Variants in ACOT7 observed in about 807,000 individuals in gnomAD.
The protein encoded by ACOT7 is acyl-CoA thioesterase 7, also known as cytosolic acyl coenzyme A thioester hydrolase.
Under a neutral mutation model 40.2 loss-of-function variants are expected in ACOT7, and 12 were observed. The observed-to-expected ratio is 0.30, with a 90% CI of 0.19 to 0.48. The LOEUF (loss-of-function observed/expected upper bound fraction) is 0.48. Among genes scored for constraint, ACOT7 ranks in the 20% least tolerant of loss-of-function variants. ACOT7 has a pLI of 0.99. For synonymous variants in ACOT7, 228 were observed against 219.5 expected, an observed-to-expected ratio of 1.04 and a Z score of -0.34; for missense variants, 395 against 530.8, an observed-to-expected ratio of 0.74 and a Z score of 2.51.
At chr1:6,388,536 C>T (rs1321704174) in intron 1 of ACOT7, among the ~76,000 whole-genome samples, 7 of 148,264 alleles carry the variant, frequency 4.7e-5, no homozygotes, top group Non-Finnish European at 8.9e-5. Flanking sequence ...GTCAGGAGTT[C>T]GAGACCAGCC....
intron 1 of ACOT7, among the ~76,000 whole-genome samples, chr1:6,371,105 G>T (rs1386985961): frequency 2.0e-5 from 3 of 152,018 alleles, no homozygotes; most frequent in African/African-American, 7.2e-5. Context: ...CACCGCACCC[G>T]GCCTGATCAG....
In ACOT7 at chr1:6,318,535, C is replaced by T; in HGVS notation, c.669G>A (p.Leu223=). ...GCAGGGTGCAGTCTGAAGGCCCCAC[C>T]AGGTGGATCAAGCTGGACTGGCTGT... ...VSYSQSSLIH[L]VGPSDCTLHG... The change falls in exon 6 of 9, where the codon CTG becomes CTA. Residue 223 remains leucine, a synonymous_variant. Coordinates refer to ENST00000361521, the MANE Select transcript of ACOT7 (RefSeq NM_007274.4). The T allele has an allele frequency of 6.2e-7, 1 of 1,614,154 alleles. No homozygotes were observed. The highest frequency in any genetic ancestry group is 8.5e-7 in the Non-Finnish European group (1 of 1,180,020).
intron 8 of ACOT7, among the ~76,000 whole-genome samples, chr1:6,269,364 C>T (rs556881658): frequency 1.3e-5 from 2 of 152,348 alleles, no homozygotes; most frequent in South Asian, 2.1e-4. Flanking sequence ...GCCCTCGGCA[C>T]AGCCTAGGAG....
At chr1:6,284,418 A>C (rs1229016712) in intron 7 of ACOT7, among the ~76,000 whole-genome samples, 2 of 151,970 alleles carry the variant, frequency 1.3e-5, no homozygotes, top group African/African-American at 4.8e-5. Flanking sequence ...CTCTATTAAA[A>C]ATACAAAATT....
intron 6 of ACOT7, among the ~76,000 whole-genome samples, chr1:6,314,790 G>T (rs1181729728): frequency 6.6e-6 from 1 of 151,804 alleles, no homozygotes; most frequent in Non-Finnish European, 1.5e-5. Context: ...TCCCGCATGG[G>T]ATGATGACGG....
At chr1:6,287,082 A>G (rs115240887) in intron 7 of ACOT7, among the ~76,000 whole-genome samples, 219 of 152,330 alleles carry the variant, frequency 1.4e-3, no homozygotes, top group African/African-American at 5.0e-3. Context: ...CACCGCGCCC[A>G]GCTTAACGAT....
At chr1:6,327,647 C>T (rs750725504) in intron 4 of ACOT7, among the ~76,000 whole-genome samples, 1 of 152,222 alleles carries the variant, frequency 6.6e-6, no homozygotes, top group Non-Finnish European at 1.5e-5. Flanking sequence ...CCTGGAATTG[C>T]TTTAATGCCT....
intron 1 of ACOT7, among the ~76,000 whole-genome samples, chr1:6,377,296 G>A (rs1201135942): frequency 6.6e-6 from 1 of 152,000 alleles, no homozygotes; most frequent in East Asian, 1.9e-4. Flanking sequence ...AGCACTTTGG[G>A]AGGCTGAGGC....
At chr1:6,371,374 T>C (rs1312335189) in intron 1 of ACOT7, among the ~76,000 whole-genome samples, 1 of 151,788 alleles carries the variant, frequency 6.6e-6, no homozygotes, top group East Asian at 1.9e-4. Context: ...TTTTTTTTTT[T>C]TTGAGACAGA....
chr1:6,270,215 C>T (rs988540702), intron 8 of ACOT7, among the ~76,000 whole-genome samples: 4 of 152,260 alleles, frequency 2.6e-5, no homozygotes, highest in African/African-American at 7.2e-5. Context: ...ACCCACGGCC[C>T]GGCTGCTGCC....
intron 8 of ACOT7, among the ~76,000 whole-genome samples, chr1:6,277,303 G>A (rs530756038): frequency 5.4e-4 from 83 of 152,348 alleles, no homozygotes; most frequent in African/African-American, 1.7e-3. Flanking sequence ...GGGGGCAGCC[G>A]GGAGAGGGAA....
At chr1:6,331,651 C>G (rs1320554126) in intron 4 of ACOT7, among the ~76,000 whole-genome samples, 1 of 152,262 alleles carries the variant, frequency 6.6e-6, no homozygotes, top group Admixed American at 6.5e-5. Flanking sequence ...TGGCCAGATT[C>G]TGGCATGCTG....
At chr1:6,270,199 G>A (rs1290612928) in intron 8 of ACOT7, among the ~76,000 whole-genome samples, 1 of 152,274 alleles carries the variant, frequency 6.6e-6, no homozygotes, top group Non-Finnish European at 1.5e-5. Context: ...TCCAGCACAA[G>A]GCCCCACCCA....
chr1:6,264,867 AG>A (rs1638772975), intron 8 of ACOT7, among the ~76,000 whole-genome samples, 172 bp from the exon 9 acceptor site: 1 of 151,794 alleles, frequency 6.6e-6, no homozygotes, highest in African/African-American at 2.4e-5. Context: ...CGGGTAGCCC[AG>A]GCATGGGGCT....
At chr1:6,371,804 G>A (rs949692958) in intron 1 of ACOT7, among the ~76,000 whole-genome samples, 3 of 152,016 alleles carry the variant, frequency 2.0e-5, no homozygotes, top group African/African-American at 7.2e-5. Context: ...CAGCATTTTG[G>A]GAGGCTGAGA....
chr1:6,279,213 T>G (rs904546799), intron 8 of ACOT7, among the ~76,000 whole-genome samples: 27 of 152,122 alleles, frequency 1.8e-4, no homozygotes, highest in African/African-American at 6.5e-4. Context: ...GGCTGGAGCC[T>G]CATAGCAGGG....
intron 1 of ACOT7, among the ~76,000 whole-genome samples, chr1:6,370,914 G>A (rs1434622434): frequency 1.3e-5 from 2 of 151,968 alleles, no homozygotes; most frequent in African/African-American, 4.8e-5. Context: ...GAGTTCAAGT[G>A]ATTCTCCTAC....
chr1:6,324,687 T>A (rs1182474398), intron 5 of ACOT7, among the ~76,000 whole-genome samples: 5 of 152,180 alleles, frequency 3.3e-5, no homozygotes, highest in Non-Finnish European at 7.3e-5. Flanking sequence ...GCAGCCCCCA[T>A]GTTCCATCCA....
intron 1 of ACOT7, among the ~76,000 whole-genome samples, chr1:6,353,958 C>T (rs1042308838): frequency 3.9e-5 from 6 of 152,180 alleles, no homozygotes; most frequent in Non-Finnish European, 8.8e-5. Flanking sequence ...TTCTGCCTGC[C>T]GGGTCCTGGC....
Sources: gnomAD v4.1 joint callset for allele counts (sites outside exome capture counted in the v4.1 genomes callset) on GRCh38, gnomAD v4.1.1 for gene constraint, MANE v1.5 for transcripts, NCBI Gene and HGNC (gene_info 2026-07-23, HGNC 2026-07-21) for gene names.